CDH12: variants seen among roughly 807,000 people sequenced by gnomAD.
CDH12 encodes the protein cadherin-12.
CDH12 carries 41 observed loss-of-function variants against 74.1 expected under a neutral mutation model. The ratio of observed to expected loss-of-function variants is 0.55; its 90% CI spans 0.43 to 0.72. The LOEUF (loss-of-function observed/expected upper bound fraction) is 0.72, where lower values mean the gene tolerates loss of function less well. Among genes scored for constraint, CDH12 ranks in the 30% least tolerant of loss-of-function variants. The probability of loss-of-function intolerance (pLI) is 0.00; values close to 1 mark genes in which losing one functional copy is unlikely to be tolerated. For missense variants in CDH12, 945 were observed against 977.2 expected (o/e 0.97, Z 0.44); for synonymous variants, 399 against 355.0 (o/e 1.12, Z -1.39).
At chr5:22,250,311 C>A (rs13156017) in intron 3 of CDH12, among the ~76,000 whole-genome samples, 54,389 of 151,930 alleles carry the variant, frequency 0.36, 11,646 homozygotes, top group Admixed American at 0.48. Context: ...ATGGCAGGGA[C>A]AACTTGTCTC....
chr5:22,584,114 T>TTTATTTATTA, intron 1 of CDH12, among the ~76,000 whole-genome samples: 1 of 109,640 alleles, frequency 9.1e-6, no homozygotes, highest in South Asian at 2.6e-4. Flanking sequence ...TTATTTATTA[T>TTTATTTATTA]TTTTGAGACG....
intron 5 of CDH12, among the ~76,000 whole-genome samples, chr5:22,022,525 C>G (rs1444031653): frequency 6.6e-6 from 1 of 152,016 alleles, no homozygotes; most frequent in Non-Finnish European, 1.5e-5. Context: ...TTCTTTGTAG[C>G]AGTGTGAGAA....
At chr5:22,399,967 C>G (rs1742645165) in intron 3 of CDH12, among the ~76,000 whole-genome samples, 1 of 152,198 alleles carries the variant, frequency 6.6e-6, no homozygotes, top group Non-Finnish European at 1.5e-5. Context: ...CAGAACCTCA[C>G]TGGCCTGACC....
chr5:21,910,003 A>T (rs1261443751), intron 6 of CDH12, among the ~76,000 whole-genome samples: 2 of 152,164 alleles, frequency 1.3e-5, no homozygotes, highest in African/African-American at 4.8e-5. Flanking sequence ...GAGAGAAAAT[A>T]GCTGTTTTTG....
chr5:22,470,647 C>G (rs1745920866), intron 2 of CDH12, among the ~76,000 whole-genome samples: 1 of 151,992 alleles, frequency 6.6e-6, no homozygotes, highest in Non-Finnish European at 1.5e-5. Context: ...TGTTGAACTC[C>G]CAGTGTCAAG....
At chr5:22,394,087 T>A (rs146139045) in intron 3 of CDH12, among the ~76,000 whole-genome samples, 1 of 152,122 alleles carries the variant, frequency 6.6e-6, no homozygotes, top group Admixed American at 6.6e-5. Context: ...TTGCAAAGAA[T>A]ACTACAATTA....
At chr5:22,110,479 G>A (rs143295650) in intron 4 of CDH12, among the ~76,000 whole-genome samples, 1 of 151,736 alleles carries the variant, frequency 6.6e-6, no homozygotes, top group African/African-American at 2.4e-5. Flanking sequence ...GGGAAGGGGT[G>A]GGGGTGGCTA....
At chr5:22,285,433 G>T (rs1027351499) in intron 3 of CDH12, among the ~76,000 whole-genome samples, 5 of 152,012 alleles carry the variant, frequency 3.3e-5, no homozygotes, top group Non-Finnish European at 5.9e-5. Context: ...TAACTACATG[G>T]TTCTCTGTAA....
chr5:22,264,645 C>A (rs1218332601), intron 3 of CDH12, among the ~76,000 whole-genome samples: 1 of 152,140 alleles, frequency 6.6e-6, no homozygotes, highest in Non-Finnish European at 1.5e-5. Flanking sequence ...AAGTCTTCAT[C>A]ATTTGCCAGC....
chr5:22,430,980 T>C (rs1162303893), intron 2 of CDH12, among the ~76,000 whole-genome samples: 1 of 152,162 alleles, frequency 6.6e-6, no homozygotes, highest in Non-Finnish European at 1.5e-5. Flanking sequence ...TCTATTTATA[T>C]GAACAAGTGT....
chr5:22,222,270 A>G (rs1183437784), intron 3 of CDH12, among the ~76,000 whole-genome samples: 1 of 151,982 alleles, frequency 6.6e-6, no homozygotes, highest in African/African-American at 2.4e-5. Context: ...ATGAAAAGCT[A>G]TCACAATTTA....
At chr5:22,697,297 C>T (rs556972499) in intron 1 of CDH12, among the ~76,000 whole-genome samples, 3 of 152,166 alleles carry the variant, frequency 2.0e-5, no homozygotes, top group Non-Finnish European at 2.9e-5. Context: ...GCCAGCCGGG[C>T]GCGGTGCCTC....
chr5:21,872,061 T>C lies in CDH12; in HGVS notation c.527-17271A>G, dbSNP rs532162516. ...TTTAAGATGGACTAGAAAAGACATGTCATAAAAATCCCCCAGAGTAGAAAT... is the reference window on the plus strand; with the variant it reads ...TTTAAGATGGACTAGAAAAGACATGCCATAAAAATCCCCCAGAGTAGAAAT... On this transcript the variant is annotated intron_variant, in intron 6 of 14. Coordinates refer to ENST00000382254, the MANE Select transcript of CDH12 (RefSeq NM_004061.5). Among the ~76,000 whole-genome samples, 6 of 152,284 alleles carry C rather than the reference T, an allele frequency of 3.9e-5. No homozygotes were observed. The South Asian group carries it at 1.2e-3, about 32-fold the overall frequency.
intron 4 of CDH12, among the ~76,000 whole-genome samples, chr5:22,112,039 T>C (rs1744843544): frequency 6.6e-6 from 1 of 152,160 alleles, no homozygotes; most frequent in South Asian, 2.1e-4. Context: ...TGAATGTATT[T>C]AGAAATTATT....
chr5:22,195,889 C>T lies in CDH12; in HGVS notation c.-187+16609G>A, dbSNP rs190788728. On this transcript the variant is annotated intron_variant, in intron 4 of 14. Transcript: ENST00000382254. ...CCTAGGTGGCATCTCTCCTCCCTCT[C>T]TTTCTTTCTCTCTTTCATTTTCTCA... Among the ~76,000 whole-genome samples the T allele has an allele frequency of 1.0e-3, 155 of 152,222 alleles. 1 individual carries two copies. The highest frequency in any genetic ancestry group is 3.7e-3 in the African/African-American group (152 of 41,538).
chr5:22,276,579 T>G (rs983922120), intron 3 of CDH12, among the ~76,000 whole-genome samples: 7 of 152,250 alleles, frequency 4.6e-5, no homozygotes, highest in Non-Finnish European at 7.3e-5. Flanking sequence ...TGAGCAGAAA[T>G]AATCATTCAC....
intron 1 of CDH12, among the ~76,000 whole-genome samples, chr5:22,648,787 C>T (rs998524599): frequency 6.6e-6 from 1 of 151,730 alleles, no homozygotes; most frequent in African/African-American, 2.4e-5. Flanking sequence ...TAAATCTTAA[C>T]AACTTTTTTT....
At chr5:22,688,129 T>C (rs965121665) in intron 1 of CDH12, among the ~76,000 whole-genome samples, 1 of 152,094 alleles carries the variant, frequency 6.6e-6, no homozygotes, top group Non-Finnish European at 1.5e-5. Context: ...CGTTTCATTG[T>C]GTGCGAGTAA....
At chr5:22,190,191 T>C (rs1474358310) in intron 4 of CDH12, among the ~76,000 whole-genome samples, 2 of 152,210 alleles carry the variant, frequency 1.3e-5, no homozygotes, top group African/African-American at 2.4e-5. Flanking sequence ...GTAGTGAGTA[T>C]TAAAAGCAAA....
Sources: gnomAD v4.1 joint callset for allele counts (sites outside exome capture counted in the v4.1 genomes callset) on GRCh38, gnomAD v4.1.1 for gene constraint, MANE v1.5 for transcripts, NCBI Gene and HGNC (gene_info 2026-07-23, HGNC 2026-07-21) for gene names.